Variants in RWDD2B observed in about 807,000 individuals in gnomAD.
RWDD2B encodes the protein RWD domain containing 2B, also known as RWD domain-containing protein 2B.
In RWDD2B, 36 loss-of-function variants were observed where a neutral mutation model predicts 33.6. The observed-to-expected ratio is 1.07, with a 90% CI of 0.82 to 1.42. The LOEUF (loss-of-function observed/expected upper bound fraction) is 1.42, where lower values mean the gene tolerates loss of function less well. Ranked by LOEUF, RWDD2B falls within the 40% of genes most tolerant of loss-of-function variation. The pLI is 0.00. For synonymous variants in RWDD2B, 126 were observed against 133.1 expected (o/e 0.95, Z 0.37); for missense variants, 364 against 377.5 (o/e 0.96, Z 0.30).
intron 4 of RWDD2B, 119 bp downstream of exon 4, chr21:29,007,642 G>T (rs1397164787): frequency 2.9e-6 from 3 of 1,020,934 alleles, no homozygotes; most frequent in Non-Finnish European, 4.3e-6. Flanking sequence ...TAATCTTATG[G>T]CATCACTGTT....
intron 1 of RWDD2B, among the ~76,000 whole-genome samples, chr21:29,012,146 G>A (rs2084866346): frequency 1.5e-5 from 2 of 134,808 alleles, no homozygotes; most frequent in South Asian, 5.0e-4. Flanking sequence ...CCGGCCAGCC[G>A]CCCCGTCCGG....
chr21:29,009,826 A>G (rs1436225820), intron 1 of RWDD2B: 1 of 152,206 alleles, frequency 6.6e-6, no homozygotes, highest in Non-Finnish European at 1.5e-5. Context: ...AAATGCTGGT[A>G]TAATGTATAA....
chr21:29,006,731 A>T (rs2084830899), intron 4 of RWDD2B, 80 bp from the exon 5 acceptor site: 1 of 784,680 alleles, frequency 1.3e-6, no homozygotes, highest in Admixed American at 2.9e-5. Flanking sequence ...AAACAGATTT[A>T]TCAATGCCTT....
In RWDD2B at chr21:29,008,057, T is replaced by C; in HGVS notation, c.429A>G (p.Lys143=). 2 of 1,614,178 alleles carry C rather than the reference T, an allele frequency of 1.2e-6. No individual in the cohort carries two copies. Among genetic ancestry groups the C allele is most frequent in the Non-Finnish European group, 1.7e-6 (2 of 1,180,014 alleles). ...GTATACAAACATCTCCATGACAATG[T>C]TTTTGCAGGAATGCAGTCAGATCTG... is the stretch of plus-strand genomic sequence containing the variant. The part of the protein sequence containing the change: ...LNTDLTAFLQ[K]HCHGDVCILN... Residue 143 remains lysine, a synonymous_variant, in exon 4 of 5, where the codon AAA becomes AAG. Transcript: ENST00000493196.
intron 1 of RWDD2B, 142 bp downstream of exon 1, chr21:29,019,069 G>T: frequency 1.5e-6 from 1 of 674,556 alleles, no homozygotes; most frequent in South Asian, 1.8e-5. Flanking sequence ...CAACGCCGAG[G>T]ACCGAGCCGA....
At position 29,008,698 on chromosome 21, in the gene RWDD2B, C is replaced by A. The variant is rs571516918; in HGVS notation, c.68-77G>T. 10 of 898,632 alleles carry A rather than the reference C, an allele frequency of 1.1e-5. No individual in the cohort carries two copies. In the Admixed American group the frequency reaches 2.4e-4, roughly 22 times the overall value. 55.7% of individuals were successfully genotyped at this position (898,632 alleles called of 1,614,324 possible). A position where few individuals can be genotyped will look rare whatever the true frequency, so the allele number is the denominator to read the frequency against. Reference sequence around the variant, plus strand: ...ATGAATACATCAACATGTGTACTTACTAAAATTGTACTTGGTTTCTTCATA... The same window carrying A: ...ATGAATACATCAACATGTGTACTTAATAAAATTGTACTTGGTTTCTTCATA... On this transcript the variant is annotated intron_variant, in intron 1 of 4. Coordinates refer to ENST00000493196, the MANE Select transcript of RWDD2B (RefSeq NM_016940.3).
Position 29,006,545 on chromosome 21 carries a change from CA to C in RWDD2B, c.831del (p.Phe277LeufsTer25), listed in dbSNP as rs2084829621. 6.2e-7 allele frequency: 1 copy of C among 1,613,714 alleles called. No homozygotes were observed. Among genetic ancestry groups the C allele is most frequent in the African/African-American group, 1.3e-5 (1 of 74,888 alleles). On this transcript the variant is annotated frameshift_variant, in exon 5 of 5. Transcript: ENST00000493196. LOFTEE classifies it high-confidence loss of function. ...CCATTAACACTGAACACTTTTTCTT[CA>C]AAAATGGAAAATTTCCTTTGTCTTT... ...ETERQRKFSI[F>X]EEKVFSVNGA...
At chr21:29,009,393 T>TG (rs1568869509) in intron 1 of RWDD2B, among the ~76,000 whole-genome samples, 1 of 22,754 alleles carries the variant, frequency 4.4e-5, no homozygotes, top group African/African-American at 8.1e-5. Flanking sequence ...CATTTATTAG[T>TG]TTTTTTTTTT....
intron 1 of RWDD2B, among the ~76,000 whole-genome samples, chr21:29,012,269 G>A (rs1444291858): frequency 2.6e-5 from 4 of 152,164 alleles, no homozygotes. Flanking sequence ...GGTCTGGGTG[G>A]TGTACCCAAC....
intron 1 of RWDD2B, among the ~76,000 whole-genome samples, chr21:29,014,392 C>T (rs1409178367): frequency 6.6e-6 from 1 of 152,162 alleles, no homozygotes; most frequent in Non-Finnish European, 1.5e-5. Context: ...TTTGTTATAT[C>T]CCTGCATATC....
At chr21:29,013,561 C>T (rs1431999331) in intron 1 of RWDD2B, among the ~76,000 whole-genome samples, 8 of 151,778 alleles carry the variant, frequency 5.3e-5, no homozygotes, top group African/African-American at 9.7e-5. Context: ...TGGTGGCCGG[C>T]GCCTGTAGTC....
At chr21:29,010,858 C>G (rs917163796) in intron 1 of RWDD2B, among the ~76,000 whole-genome samples, 1 of 152,012 alleles carries the variant, frequency 6.6e-6, no homozygotes, top group Admixed American at 6.5e-5. Flanking sequence ...TTGGTGGAGA[C>G]GGGGTTTCGC....
Position 29,019,231 on chromosome 21 carries a change from C to A in RWDD2B, c.47G>T (p.Ser16Ile). ...SMQPWNPGYS[S>I]EGATAQETYT... Reference sequence around the variant, plus strand: ...CTCACCTTGAGCCGTGGCCCCCTCACTGCTGTAACCCGGGTTCCATGGCTG... The same window carrying A: ...CTCACCTTGAGCCGTGGCCCCCTCAATGCTGTAACCCGGGTTCCATGGCTG... The change falls in exon 1 of 5, where the codon AGT (serine) becomes ATT (isoleucine). Residue 16 changes from serine to isoleucine, a missense_variant. Coordinates refer to ENST00000493196, the MANE Select transcript of RWDD2B (RefSeq NM_016940.3). 1 of 1,604,896 alleles carries A rather than the reference C, an allele frequency of 6.2e-7. No individual in the cohort carries two copies. Among genetic ancestry groups the A allele is most frequent in the Non-Finnish European group, 8.5e-7 (1 of 1,176,578 alleles).
At chr21:29,014,478 G>A (rs1318317843) in intron 1 of RWDD2B, among the ~76,000 whole-genome samples, 1 of 152,098 alleles carries the variant, frequency 6.6e-6, no homozygotes, top group African/African-American at 2.4e-5. Flanking sequence ...TGAACTTTGG[G>A]GCACACATTA....
intron 1 of RWDD2B, among the ~76,000 whole-genome samples, chr21:29,017,133 A>G (rs1008471918): frequency 6.6e-6 from 1 of 151,710 alleles, no homozygotes; most frequent in South Asian, 2.1e-4. Flanking sequence ...GGGCTCCCAA[A>G]GTGCTGGGAT....
chr21:29,011,941 G>T (rs1446987355), intron 1 of RWDD2B, among the ~76,000 whole-genome samples: 6 of 119,872 alleles, frequency 5.0e-5, no homozygotes, highest in East Asian at 2.6e-4. Context: ...GGAGGGAGGT[G>T]GGGGGGTCAG....
At position 29,019,219 on chromosome 21, in the gene RWDD2B, G is replaced by A. The variant is rs2084904078; in HGVS notation, c.59C>T (p.Thr20Met). The A allele has an allele frequency of 5.6e-6, 9 of 1,600,808 alleles. No individual in the cohort carries two copies. The highest frequency in any genetic ancestry group is 7.7e-6 in the Non-Finnish European group (9 of 1,174,588). ...WNPGYSSEGA[T>M]AQETYTCPKM... ...GCTGAGGCGAGACTCACCTTGAGCC[G>A]TGGCCCCCTCACTGCTGTAACCCGG... Residue 20 changes from threonine (T) to methionine (M), a missense_variant, in exon 1 of 5, where the codon ACG (threonine) becomes ATG (methionine). Physicochemically the swap from Thr to Met is moderately conservative, Grantham distance 81. Transcript: ENST00000493196.
Position 29,006,360 on chromosome 21 carries a change from TG to T in RWDD2B, c.*56del. 1 of 1,134,802 alleles carries T rather than the reference TG, an allele frequency of 8.8e-7. No homozygotes were observed. Among genetic ancestry groups the T allele is most frequent in the Non-Finnish European group, 1.3e-6 (1 of 790,116 alleles). 70.3% of individuals were successfully genotyped at this position (1,134,802 alleles called of 1,614,324 possible). ...AATTACTTAATCTTTCAAGAAAAAG[TG>T]GGAAAAAAAAATCAAAAGGCCAACA... is the stretch of plus-strand genomic sequence containing the variant. On this transcript the variant is annotated 3_prime_UTR_variant, in exon 5 of 5. Coordinates refer to ENST00000493196, the MANE Select transcript of RWDD2B (RefSeq NM_016940.3).
At chr21:29,013,273 CTT>C (rs578162547) in intron 1 of RWDD2B, among the ~76,000 whole-genome samples, 78 of 152,274 alleles carry the variant, frequency 5.1e-4, no homozygotes, top group African/African-American at 1.8e-3. Context: ...TACTCTGTCT[CTT>C]CATAGCCATC....
Sources: gnomAD v4.1 joint callset for allele counts (sites outside exome capture counted in the v4.1 genomes callset) on GRCh38, gnomAD v4.1.1 for gene constraint, MANE v1.5 for transcripts, NCBI Gene and HGNC (gene_info 2026-07-23, HGNC 2026-07-21) for gene names.